The following PCNX1 variants were observed in gnomAD, a reference collection of about 807,000 sequenced individuals.
PCNX1 encodes pecanex 1, also known as pecanex-like protein 1.
A neutral mutation model predicts 242.2 loss-of-function variants in PCNX1; 78 were observed. That is an observed-to-expected ratio of 0.32 (90% CI 0.27 to 0.39). PCNX1 has a LOEUF of 0.39. Ranked by LOEUF, PCNX1 falls within the 10% of genes least tolerant of loss-of-function variation. The pLI is 1.00. For synonymous variants in PCNX1, 1,024 were observed against 1,032.9 expected (o/e 0.99, Z 0.17); for missense variants, 2,581 against 2,856.5 (o/e 0.90, Z 2.20).
At chr14:71,070,056 A>C (rs1345015540) in intron 26 of PCNX1, among the ~76,000 whole-genome samples, 1 of 152,216 alleles carries the variant, frequency 6.6e-6, no homozygotes, top group Non-Finnish European at 1.5e-5. Flanking sequence ...CATTTTAACC[A>C]AGGCTCACAA....
chr14:71,109,872 G>A lies in PCNX1; in HGVS notation c.6963G>A (p.Gln2321=), dbSNP rs374062775. Residue 2321 remains glutamine, a synonymous_variant, in exon 36 of 36, where the codon CAG becomes CAA. Coordinates refer to ENST00000304743, the MANE Select transcript of PCNX1 (RefSeq NM_014982.3). ...TCGACAAGGCAGTGCTTCTGGTCCA[G>A]ATTGATGATAAATATGTGACTGTAA... is the stretch of plus-strand genomic sequence containing the variant. ...SHIDKAVLLV[Q]IDDKYVTVIE... is the part of the protein sequence containing the mutation. 62 of 1,613,254 alleles carry A rather than the reference G, an allele frequency of 3.8e-5. No homozygotes were observed. The highest frequency in any genetic ancestry group is 5.0e-5 in the Non-Finnish European group (59 of 1,179,386).
chr14:71,003,487 T>A (rs758048796), intron 8 of PCNX1, among the ~76,000 whole-genome samples: 1 of 152,222 alleles, frequency 6.6e-6, no homozygotes, highest in Non-Finnish European at 1.5e-5. Context: ...TTTCTCCCAT[T>A]CTGTGGCTTG....
intron 2 of PCNX1, among the ~76,000 whole-genome samples, chr14:70,960,510 C>T (rs994771734): frequency 9.2e-5 from 14 of 152,224 alleles, no homozygotes; most frequent in East Asian, 1.9e-4. Context: ...ATCGATGGGA[C>T]GTATCTCAAA....
chr14:71,015,921 G>A (rs2059951234), intron 11 of PCNX1, among the ~76,000 whole-genome samples: 2 of 152,090 alleles, frequency 1.3e-5, no homozygotes, highest in African/African-American at 4.8e-5. Context: ...AAGACAGTGT[G>A]GTGGCTCATG....
At chr14:70,962,098 A>C (rs1297574103) in intron 2 of PCNX1, 128 bp from the exon 3 acceptor site, 23 of 634,912 alleles carry the variant, frequency 3.6e-5, no homozygotes, top group Non-Finnish European at 6.2e-5. Flanking sequence ...CTTTTTTGCT[A>C]TTTGCTGGAT....
chr14:71,042,521 T>C (rs2060738035), intron 19 of PCNX1, among the ~76,000 whole-genome samples: 1 of 152,172 alleles, frequency 6.6e-6, no homozygotes, highest in African/African-American at 2.4e-5. Context: ...GCCTGGAATA[T>C]ATTTTTAAAT....
At position 71,047,815 on chromosome 14, in the gene PCNX1, C is replaced by T. The variant is rs746343276; in HGVS notation, c.4169C>T (p.Ala1390Val). The change falls in exon 22 of 36, where the codon GCT (alanine) becomes GTT (valine). Residue 1390 changes from alanine to valine, a missense_variant. Ala to Val is a moderately conservative substitution (Grantham distance 64). Transcript: ENST00000304743. ...TTTTCTTTGTGCCACAGATTAGGTG[C>T]TTTAATGATCACTGTTGCTGGTTTG... ...SPKKLNTELG[A>V]LMITVAGLKL... 4.4e-6 allele frequency: 7 copies of T among 1,607,642 alleles called. No individual in the cohort carries two copies. In the Admixed American group the frequency reaches 8.4e-5, roughly 19 times the overall value.
intron 2 of PCNX1, among the ~76,000 whole-genome samples, chr14:70,955,599 G>A (rs2057961463): frequency 6.6e-6 from 1 of 152,132 alleles, no homozygotes. Flanking sequence ...GGAAGTTAAG[G>A]CATAAAGGTA....
chr14:70,974,244 GT>G (rs1202073692), intron 5 of PCNX1, among the ~76,000 whole-genome samples: 2,031 of 117,112 alleles, frequency 0.017, 30 homozygotes, highest in African/African-American at 0.044. Context: ...TTTTTTTGTT[GT>G]TTTTTTTTTT....
chr14:70,990,136 G>C (rs1385954522), intron 7 of PCNX1, among the ~76,000 whole-genome samples: 1 of 151,996 alleles, frequency 6.6e-6, no homozygotes, highest in Non-Finnish European at 1.5e-5. Context: ...TGTTTTCCTA[G>C]ATTTTACAGT....
In PCNX1 at chr14:71,114,928, C is replaced by A. The variant is rs1242456492; in HGVS notation, c.*4993C>A. On this transcript the variant is annotated 3_prime_UTR_variant, in exon 36 of 36. Coordinates refer to ENST00000304743, the MANE Select transcript of PCNX1 (RefSeq NM_014982.3). ...TTATCTATGAAGCTTGATTCTACAA[C>A]CAAAATAATAGAAATGGGGGGGGGG... is the stretch of plus-strand genomic sequence containing the variant. 1 of 86,080 alleles carries A rather than the reference C, an allele frequency of 1.2e-5. No homozygotes were observed. Among genetic ancestry groups the A allele is most frequent in the African/African-American group, 5.0e-5 (1 of 19,820 alleles). The allele number at this position is 86,080 out of a possible 1,614,324, so 5.3% of individuals were successfully genotyped here.
intron 28 of PCNX1, among the ~76,000 whole-genome samples, chr14:71,083,670 A>G (rs1279583646): frequency 6.6e-6 from 1 of 151,716 alleles, no homozygotes; most frequent in Non-Finnish European, 1.5e-5. Context: ...ATGCTTCACA[A>G]AGTTCTCATG....
At chr14:70,955,122 G>A (rs2057943236) in intron 2 of PCNX1, among the ~76,000 whole-genome samples, 1 of 152,278 alleles carries the variant, frequency 6.6e-6, no homozygotes, top group South Asian at 2.1e-4. Context: ...CAATCTTTTA[G>A]AGAAAGAATC....
intron 11 of PCNX1, among the ~76,000 whole-genome samples, chr14:71,013,687 G>C (rs2097975): frequency 6.6e-6 from 1 of 151,788 alleles, no homozygotes; most frequent in African/African-American, 2.4e-5. Flanking sequence ...GACAAAGTAC[G>C]TGAAACAGTG....
intron 1 of PCNX1, 151 bp downstream of exon 1, chr14:70,908,154 C>G (rs1391371498): frequency 1.7e-5 from 12 of 690,478 alleles, no homozygotes; most frequent in Admixed American, 4.1e-5. Flanking sequence ...TGCGTGCTCC[C>G]ACTCCTCTCT....
Position 70,977,211 on chromosome 14 carries a change from G to A in PCNX1, c.874G>A (p.Ala292Thr). ...ACCACGGACTTCTAGCTCTGCTGTGGCTTTTCCAGACACTTCACTGAATGA... is the reference window on the plus strand; with the variant it reads ...ACCACGGACTTCTAGCTCTGCTGTGACTTTTCCAGACACTTCACTGAATGA... ...GVPRTSSSAV[A>T]FPDTSLNDFP... The change falls in exon 6 of 36, where the codon GCT becomes ACT. Residue 292 changes from alanine to threonine, a missense_variant. Ala to Thr is a moderately conservative substitution (Grantham distance 58). Coordinates refer to ENST00000304743, the MANE Select transcript of PCNX1 (RefSeq NM_014982.3). The A allele has an allele frequency of 6.2e-7, 1 of 1,614,194 alleles. No homozygotes were observed.
chr14:70,969,701 T>G (rs2058483689), intron 5 of PCNX1, among the ~76,000 whole-genome samples: 1 of 152,156 alleles, frequency 6.6e-6, no homozygotes, highest in Admixed American at 6.5e-5. Flanking sequence ...TTACATGTAC[T>G]GTGTGGGCCG....
intron 2 of PCNX1, among the ~76,000 whole-genome samples, chr14:70,950,297 T>C (rs2057724986): frequency 6.6e-6 from 1 of 152,170 alleles, no homozygotes; most frequent in Non-Finnish European, 1.5e-5. Context: ...AAAATCAGTG[T>C]CTGGCAATGA....
rs1326520622 is a variant in PCNX1, at chr14:70,977,794, C to T, written c.1457C>T (p.Ala486Val). 6.2e-6 allele frequency: 10 copies of T among 1,614,004 alleles called. No homozygotes were observed. The highest frequency in any genetic ancestry group is 7.6e-6 in the Non-Finnish European group (9 of 1,180,028). ...MHNQRGLSTSASEEANKNPHA... is the reference protein window; with the variant it reads ...MHNQRGLSTSVSEEANKNPHA... The stretch of plus-strand genomic sequence containing the variant: ...AACCAGAGAGGTCTCAGCACCTCTG[C>T]ATCTGAAGAAGCCAATAAAAATCCC... Residue 486 changes from alanine (A) to valine (V), a missense_variant, in exon 6 of 36, where the codon GCA becomes GTA. This residue lies in a region of PCNX1 where 1,204 missense variants were observed against 1,216.7 expected (regional missense o/e 0.99). Transcript: ENST00000304743.
Sources: gnomAD v4.1 joint callset for allele counts (sites outside exome capture counted in the v4.1 genomes callset) on GRCh38, gnomAD v4.1.1 for gene constraint, gnomAD v4.1.1 regional missense constraint, MANE v1.5 for transcripts, NCBI Gene and HGNC (gene_info 2026-07-23, HGNC 2026-07-21) for gene names.